BRINP3: variants seen among roughly 807,000 people sequenced by gnomAD.
BRINP3 encodes the protein BMP/retinoic acid inducible neural specific 3, also known as BMP/retinoic acid-inducible neural-specific protein 3.
BRINP3 carries 19 observed loss-of-function variants against 71.0 expected under a neutral mutation model. That is an observed-to-expected ratio of 0.27 (90% CI 0.19 to 0.39). BRINP3 has a LOEUF of 0.39. Among genes scored for constraint, BRINP3 ranks in the 10% least tolerant of loss-of-function variants. BRINP3 has a pLI of 1.00. For missense variants in BRINP3, 959 were observed against 940.8 expected (o/e 1.02, Z -0.25); for synonymous variants, 380 against 337.7 (o/e 1.13, Z -1.37).
intron 2 of BRINP3, among the ~76,000 whole-genome samples, chr1:190,440,744 G>A (rs547996109): frequency 6.6e-6 from 1 of 151,788 alleles, no homozygotes; most frequent in South Asian, 2.1e-4. Flanking sequence ...CAAATGAGCT[G>A]GATTAAACTG....
At chr1:190,230,305 T>A (rs1262392891) in intron 5 of BRINP3, among the ~76,000 whole-genome samples, 1 of 151,950 alleles carries the variant, frequency 6.6e-6, no homozygotes. Context: ...AATTGTAAAT[T>A]AATTTGCAGC....
At chr1:190,329,976 A>G (rs1004192279) in intron 2 of BRINP3, among the ~76,000 whole-genome samples, 2 of 152,156 alleles carry the variant, frequency 1.3e-5, no homozygotes, top group African/African-American at 2.4e-5. Flanking sequence ...CATCATAAAA[A>G]AAAAGCCTCA....
In BRINP3 at chr1:190,098,691, T is replaced by C. The variant is rs1651417245; in HGVS notation, c.1628A>G (p.Lys543Arg). Residue 543 changes from lysine (K) to arginine (R), a missense_variant, in exon 8 of 8, where the codon AAG (lysine) becomes AGG (arginine). By Grantham distance (26) the Lys-to-Arg change is conservative. Transcript: ENST00000367462. ...MLLTLKSNKY[K>R]SSLVHMILGL... Reference sequence around the variant, plus strand: ...CAAAATCATATGGACCAGACTTGACTTGTACTTATTGCTCTTCAAGGTGAG... The same window carrying C: ...CAAAATCATATGGACCAGACTTGACCTGTACTTATTGCTCTTCAAGGTGAG... 2 of 1,614,056 alleles carry C rather than the reference T, an allele frequency of 1.2e-6. No homozygotes were observed. The highest frequency in any genetic ancestry group is 1.3e-5 in the African/African-American group (1 of 74,924).
At chr1:190,202,717 T>G (rs1303911897) in intron 6 of BRINP3, among the ~76,000 whole-genome samples, 1 of 152,048 alleles carries the variant, frequency 6.6e-6, no homozygotes, top group Non-Finnish European at 1.5e-5. Flanking sequence ...AAATGGGAGT[T>G]TGTCTGAAAA....
At chr1:190,334,266 C>T (rs902413421) in intron 2 of BRINP3, among the ~76,000 whole-genome samples, 9 of 151,648 alleles carry the variant, frequency 5.9e-5, no homozygotes, top group African/African-American at 7.3e-5. Flanking sequence ...CCCCTGCCCA[C>T]GCTACGTTCA....
At chr1:190,389,235 T>C (rs1445743555) in intron 2 of BRINP3, among the ~76,000 whole-genome samples, 1 of 151,724 alleles carries the variant, frequency 6.6e-6, no homozygotes, top group African/African-American at 2.4e-5. Flanking sequence ...TTGATGTTTG[T>C]ACATGATCTA....
chr1:190,398,437 G>T (rs1421702504), intron 2 of BRINP3, among the ~76,000 whole-genome samples: 7 of 151,896 alleles, frequency 4.6e-5, no homozygotes, highest in African/African-American at 1.7e-4. Context: ...TTTTATAGGG[G>T]ATTTACTTCT....
chr1:190,299,510 G>C (rs1260674520), intron 2 of BRINP3, among the ~76,000 whole-genome samples: 1 of 151,244 alleles, frequency 6.6e-6, no homozygotes. Flanking sequence ...GTATCCATGT[G>C]CCATGCTGGT....
At chr1:190,338,833 C>CATATA (rs1667461714) in intron 2 of BRINP3, among the ~76,000 whole-genome samples, 1 of 151,674 alleles carries the variant, frequency 6.6e-6, no homozygotes, top group South Asian at 2.1e-4. Flanking sequence ...GAAAAACTAT[C>CATATA]ATATAGGACC....
At chr1:190,310,279 C>A (rs77153288) in intron 2 of BRINP3, among the ~76,000 whole-genome samples, 1 of 151,248 alleles carries the variant, frequency 6.6e-6, no homozygotes, top group Non-Finnish European at 1.5e-5. Context: ...TTCAGTGTAC[C>A]GAGAAAAGCT....
rs139897818 is a variant in BRINP3 at position 190,194,633 on chromosome 1, A to T, written c.961+31449T>A. On this transcript the variant is annotated intron_variant, in intron 6 of 7. Transcript: ENST00000367462. ...CTATTTTGTTTTAGCAAGAAACCTG[A>T]TTTTTTTTCCTATTTACTATTGTTA... 8.5e-5 allele frequency among the ~76,000 whole-genome samples: 13 copies of T among 152,062 alleles called. No individual in the cohort carries two copies. In the East Asian group the frequency reaches 2.5e-3, roughly 29 times the overall value.
chr1:190,440,047 G>A (rs1302610736), intron 2 of BRINP3, among the ~76,000 whole-genome samples: 1 of 151,910 alleles, frequency 6.6e-6, no homozygotes, highest in East Asian at 1.9e-4. Context: ...TTTTAGAAAG[G>A]TACAATGTAG....
chr1:190,402,181 C>A (rs1377200389), intron 2 of BRINP3, among the ~76,000 whole-genome samples: 1 of 151,912 alleles, frequency 6.6e-6, no homozygotes, highest in Non-Finnish European at 1.5e-5. Context: ...GCGTGTATAA[C>A]AATAAAGTTT....
chr1:190,101,163 T>C (rs1164772701), intron 7 of BRINP3, among the ~76,000 whole-genome samples: 2 of 152,300 alleles, frequency 1.3e-5, no homozygotes, highest in South Asian at 2.1e-4. Flanking sequence ...GTCTGTGATA[T>C]TCTCTTACAG....
At chr1:190,351,919 G>A (rs1439672760) in intron 2 of BRINP3, among the ~76,000 whole-genome samples, 3 of 151,962 alleles carry the variant, frequency 2.0e-5, no homozygotes, top group African/African-American at 4.8e-5. Context: ...TCTCTAGGAA[G>A]AGTTATTTGA....
Position 190,454,810 on chromosome 1 carries a change from G to A in BRINP3, c.81C>T (p.Cys27=), listed in dbSNP as rs561118025. The change falls in exon 2 of 8, where the codon TGC becomes TGT. Residue 27 remains cysteine (C), a synonymous_variant. Coordinates refer to ENST00000367462, the MANE Select transcript of BRINP3 (RefSeq NM_199051.3). Reference sequence around the variant, plus strand: ...AAACAGCAGCAACCGCTAAAACCCAGCAATGAAGACTCAGTGCTATCCACT... The same window carrying A: ...AAACAGCAGCAACCGCTAAAACCCAACAATGAAGACTCAGTGCTATCCACT... ...LWEWIALSLH[C]WVLAVAAVSD... 3 of 1,614,162 alleles carry A rather than the reference G, an allele frequency of 1.9e-6. No homozygotes were observed. Among genetic ancestry groups the A allele is most frequent in the Admixed American group, 3.3e-5 (2 of 60,018 alleles).
intron 2 of BRINP3, among the ~76,000 whole-genome samples, chr1:190,411,060 C>A (rs545856472): frequency 1.8e-4 from 28 of 152,200 alleles, no homozygotes; most frequent in East Asian, 1.9e-4. Context: ...CATACCCAGA[C>A]TCCTTTTAGT....
chr1:190,429,827 C>A (rs1249656712), intron 2 of BRINP3, among the ~76,000 whole-genome samples: 3 of 152,016 alleles, frequency 2.0e-5, no homozygotes, highest in Non-Finnish European at 4.4e-5. Context: ...GACATCAAGT[C>A]ATCTGCCCTG....
chr1:190,262,560 C>A (rs1331896372), intron 4 of BRINP3, among the ~76,000 whole-genome samples: 1 of 152,070 alleles, frequency 6.6e-6, no homozygotes, highest in Non-Finnish European at 1.5e-5. Flanking sequence ...TAGTATGAAG[C>A]CCCCTTTCCA....
Sources: allele counts gnomAD v4.1 joint callset (sites outside exome capture counted in the v4.1 genomes callset), GRCh38; gene constraint gnomAD v4.1.1; transcripts MANE v1.5; gene names NCBI Gene and HGNC (gene_info 2026-07-23, HGNC 2026-07-21).